Variants in SERPINB4 observed in about 807,000 individuals in gnomAD.
SERPINB4 encodes serpin B4.
A neutral mutation model predicts 33.2 loss-of-function variants in SERPINB4; 39 were observed. That is an observed-to-expected ratio of 1.18 (90% confidence interval 0.91 to 1.53). The LOEUF (loss-of-function observed/expected upper bound fraction) is 1.53. SERPINB4 is among the 40% of genes most tolerant of loss of function. SERPINB4 has a pLI of 0.00. For missense variants in SERPINB4, 564 were observed against 455.4 expected (o/e 1.24, Z -2.17); for synonymous variants, 191 against 166.4 (o/e 1.15, Z -1.14).
chr18:63,640,718 T>C (rs1192160121), intron 5 of SERPINB4, among the ~76,000 whole-genome samples, 156 bp downstream of exon 5: 2 of 152,006 alleles, frequency 1.3e-5, no homozygotes, highest in African/African-American at 4.8e-5. Flanking sequence ...GCTCTCTTCA[T>C]ATTCATTTGG....
chr18:63,637,631 G>A lies in SERPINB4; in HGVS notation c.*88C>T. ...AAGATGAGATAGAAAAGAAATATGA[G>A]CCAAGAGAATCTGTTGTTGCCAGCA... On this transcript the variant is annotated 3_prime_UTR_variant, in exon 8 of 8. Transcript: ENST00000341074. The A allele has an allele frequency of 2.2e-6, 3 of 1,342,796 alleles. No homozygotes were observed. Among genetic ancestry groups the A allele is most frequent in the Non-Finnish European group, 1.0e-6 (1 of 982,492 alleles). 83.2% of individuals were successfully genotyped at this position (1,342,796 alleles called of 1,614,324 possible). A position where few individuals can be genotyped will look rare whatever the true frequency, so the allele number is the denominator to read the frequency against.
Position 63,637,933 on chromosome 18 carries a change from C to T in SERPINB4, c.959G>A (p.Ser320Asn), listed in dbSNP as rs770002031. The change falls in exon 8 of 8, where the codon AGC becomes AAC. Residue 320 changes from serine (S) to asparagine (N), a missense_variant. Coordinates refer to ENST00000341074, the MANE Select transcript of SERPINB4 (RefSeq NM_002974.4). ...GDADLSGMTW[S>N]HGLSVSKVLH... ...GACTTTAGATACTGAGAGACCGTGG[C>T]TCCAGGTCATGCCTGAGAGGTCTGC... 5.0e-6 allele frequency: 8 copies of T among 1,613,506 alleles called. No individual in the cohort carries two copies. The highest frequency in any genetic ancestry group is 6.8e-6 in the Non-Finnish European group (8 of 1,179,772).
In SERPINB4 at chr18:63,639,628, C is replaced by T. The variant is rs761167363; in HGVS notation, c.612+6G>A. On this transcript the variant is annotated splice_donor_region_variant and intron_variant, in intron 6 of 7. Transcript: ENST00000341074. ...TTACACTATATAAATAAAATATAGA[C>T]AATACCTTGTTTGGCCAAAATTTTT... is the stretch of plus-strand genomic sequence containing the variant. The T allele has an allele frequency of 2.6e-6, 4 of 1,535,068 alleles. No homozygotes were observed. Among genetic ancestry groups the T allele is most frequent in the East Asian group, 4.5e-5 (2 of 44,240 alleles).
At chr18:63,640,561 T>A (rs995791726) in intron 5 of SERPINB4, among the ~76,000 whole-genome samples, 8 of 152,038 alleles carry the variant, frequency 5.3e-5, no homozygotes, top group African/African-American at 1.9e-4. Flanking sequence ...TGAGTCTGAT[T>A]TAAAGTAAAG....
Position 63,637,818 on chromosome 18 carries a change from T to G in SERPINB4, c.1074A>C (p.Ser358=). The stretch of plus-strand genomic sequence containing the variant: ...GATTACAACAGAACTCTTCATTAGT[T>G]GAAGGAGATGATAATTCGACTACTA... ...AVVVVELSSP[S]TNEEFCCNHP... Residue 358 remains serine, a synonymous_variant, in exon 8 of 8, where the codon TCA becomes TCC. Coordinates refer to ENST00000341074, the MANE Select transcript of SERPINB4 (RefSeq NM_002974.4). 1 of 1,613,510 alleles carries G rather than the reference T, an allele frequency of 6.2e-7. No individual in the cohort carries two copies. Among genetic ancestry groups the G allele is most frequent in the South Asian group, 1.1e-5 (1 of 91,060 alleles).
At chr18:63,643,815 A>G (rs1256724776) in intron 1 of SERPINB4, among the ~76,000 whole-genome samples, 4 of 152,140 alleles carry the variant, frequency 2.6e-5, no homozygotes. Context: ...ACGTTTTTAA[A>G]GACTATTGTA....
Position 63,637,626 on chromosome 18 carries a change from T to C in SERPINB4, c.*93A>G. On this transcript the variant is annotated 3_prime_UTR_variant, in exon 8 of 8. Coordinates refer to ENST00000341074, the MANE Select transcript of SERPINB4 (RefSeq NM_002974.4). Reference sequence around the variant, plus strand: ...TCATCAAGATGAGATAGAAAAGAAATATGAGCCAAGAGAATCTGTTGTTGC... The same window carrying C: ...TCATCAAGATGAGATAGAAAAGAAACATGAGCCAAGAGAATCTGTTGTTGC... The C allele has an allele frequency of 7.7e-7, 1 of 1,302,060 alleles. No individual in the cohort carries two copies. The highest frequency in any genetic ancestry group is 1.1e-6 in the Non-Finnish European group (1 of 949,170). The allele number at this position is 1,302,060 out of a possible 1,614,324, so 80.7% of individuals were successfully genotyped here. A position where few individuals can be genotyped will look rare whatever the true frequency, so the allele number is the denominator to read the frequency against.
intron 4 of SERPINB4, 128 bp downstream of exon 4, chr18:63,641,632 A>G: frequency 7.2e-7 from 1 of 1,389,266 alleles, no homozygotes; most frequent in Admixed American, 1.7e-5. Flanking sequence ...AATGGAGCTA[A>G]TGCACTCTGA....
chr18:63,640,441 C>A (rs935945107), intron 5 of SERPINB4, among the ~76,000 whole-genome samples: 2 of 152,074 alleles, frequency 1.3e-5, no homozygotes, highest in African/African-American at 4.8e-5. Context: ...CAGGCAGCTC[C>A]AGCTCAGAGA....
chr18:63,641,953 A>C (rs1369336842), intron 3 of SERPINB4, 65 bp from the exon 4 acceptor site: 23 of 1,601,866 alleles, frequency 1.4e-5, no homozygotes, highest in Non-Finnish European at 2.0e-5. Context: ...ACCCATGCTA[A>C]GTCTGTTAGA....
In SERPINB4 at chr18:63,639,192, A is replaced by G. The variant is rs749502774; in HGVS notation, c.761T>C (p.Leu254Pro). ...GTAGATGCAAGTTCTTACCTTCTGCAGACCATCGATTTCATTTGGCAGCAG... is the reference window on the plus strand; with the variant it reads ...GTAGATGCAAGTTCTTACCTTCTGCGGACCATCGATTTCATTTGGCAGCAG... ...IVLLPNEIDG[L>P]QKLEEKLTAE... is the part of the protein sequence containing the mutation. Residue 254 changes from leucine to proline, a missense_variant, in exon 7 of 8, where the codon CTG becomes CCG. Coordinates refer to ENST00000341074, the MANE Select transcript of SERPINB4 (RefSeq NM_002974.4). 1.2e-6 allele frequency: 2 copies of G among 1,607,876 alleles called. No individual in the cohort carries two copies. Among genetic ancestry groups the G allele is most frequent in the Non-Finnish European group, 1.7e-6 (2 of 1,176,350 alleles).
rs549215692 is a variant in SERPINB4, at chr18:63,639,536, A to C, written c.612+98T>G. 4 of 1,062,698 alleles carry C rather than the reference A, an allele frequency of 3.8e-6. No individual in the cohort carries two copies. In the Admixed American group the frequency reaches 7.9e-5, roughly 21 times the overall value. 65.8% of individuals were successfully genotyped at this position (1,062,698 alleles called of 1,614,324 possible). ...AAACAACAAAATAACAGACATGAACAATTTTTATTTTTTACTTATCATGTT... is the reference window on the plus strand; with the variant it reads ...AAACAACAAAATAACAGACATGAACCATTTTTATTTTTTACTTATCATGTT... On this transcript the variant is annotated intron_variant, in intron 6 of 7. Transcript: ENST00000341074.
At position 63,640,802 on chromosome 18, in the gene SERPINB4, A is replaced by T. The variant is rs550596318; in HGVS notation, c.469+72T>A. 5.4e-5 allele frequency: 70 copies of T among 1,292,788 alleles called. 1 individual carries two copies. In the South Asian group the frequency reaches 8.3e-4, roughly 15 times the overall value. 80.1% of individuals were successfully genotyped at this position (1,292,788 alleles called of 1,614,324 possible). A position where few individuals can be genotyped will look rare whatever the true frequency, so the allele number is the denominator to read the frequency against. ...TCTCAATCCCCACACCTGTTCCCCCATGCAGTGTCAAGCACAAGGCTCACT... is the reference window on the plus strand; with the variant it reads ...TCTCAATCCCCACACCTGTTCCCCCTTGCAGTGTCAAGCACAAGGCTCACT... On this transcript the variant is annotated intron_variant, in intron 5 of 7. Coordinates refer to ENST00000341074, the MANE Select transcript of SERPINB4 (RefSeq NM_002974.4).
At chr18:63,638,817 G>C (rs1454931683) in intron 7 of SERPINB4, among the ~76,000 whole-genome samples, 1 of 106,146 alleles carries the variant, frequency 9.4e-6, no homozygotes, top group Non-Finnish European at 1.8e-5. Context: ...GTTGTGGGGT[G>C]GGGGGAGGGG....
chr18:63,642,675 A>G (rs1913174810), intron 3 of SERPINB4, among the ~76,000 whole-genome samples: 1 of 152,094 alleles, frequency 6.6e-6, no homozygotes. Context: ...AATCTCATTA[A>G]TGACTCAATG....
rs755145507 is a variant in SERPINB4 at position 63,639,359 on chromosome 18, T to C, written c.613-19A>G. On this transcript the variant is annotated intron_variant, in intron 6 of 7. Transcript: ENST00000341074. ...ATGTATTCTGCAATAAATCAATGTG[T>C]CCAACAAATAACACGTGAAACACAA... The C allele has an allele frequency of 1.3e-6, 2 of 1,587,954 alleles. No individual in the cohort carries two copies. The highest frequency in any genetic ancestry group is 1.7e-5 in the Admixed American group (1 of 58,752).
intron 7 of SERPINB4, among the ~76,000 whole-genome samples, 195 bp from the exon 8 acceptor site, chr18:63,638,318 A>G (rs1300719677): frequency 1.3e-5 from 2 of 152,076 alleles, no homozygotes; most frequent in Non-Finnish European, 2.9e-5. Flanking sequence ...TTATATGTGT[A>G]TATGTATATA....
At chr18:63,639,453 C>A (rs2144466282) in intron 6 of SERPINB4, 113 bp from the exon 7 acceptor site, 2 of 1,181,992 alleles carry the variant, frequency 1.7e-6, no homozygotes, top group Non-Finnish European at 1.2e-6. Context: ...CCAGGAATTC[C>A]ATGAGTTAGA....
chr18:63,639,098 G>T (rs1057293775), intron 7 of SERPINB4, 87 bp downstream of exon 7: 4 of 1,390,478 alleles, frequency 2.9e-6, no homozygotes, highest in Admixed American at 2.4e-5. Context: ...GAGGCAACTC[G>T]GTCATAAGCT....
Sources: allele counts gnomAD v4.1 joint callset (sites outside exome capture counted in the v4.1 genomes callset), GRCh38; gene constraint gnomAD v4.1.1; transcripts MANE v1.5; gene names NCBI Gene and HGNC (gene_info 2026-07-23, HGNC 2026-07-21).